The following DOCK8 variants were observed in gnomAD, a reference collection of about 807,000 sequenced individuals.
DOCK8 encodes the protein dedicator of cytokinesis 8.
DOCK8 carries 141 observed loss-of-function variants against 245.6 expected under a neutral mutation model. The observed-to-expected ratio is 0.57, with a 90% CI of 0.50 to 0.66. The LOEUF is 0.66. Among genes scored for constraint, DOCK8 ranks in the 30% least tolerant of loss-of-function variants. The pLI is 0.00. For synonymous variants in DOCK8, 1,168 were observed against 970.2 expected (o/e 1.20, Z -3.79); for missense variants, 2,965 against 2,603.4 (o/e 1.14, Z -3.02).
chr9:302,151 C>T (rs749497210), intron 4 of DOCK8, among the ~76,000 whole-genome samples: 1 of 152,194 alleles, frequency 6.6e-6, no homozygotes, highest in Non-Finnish European at 1.5e-5. Flanking sequence ...CAAAAACAGA[C>T]ACGTAGACCA....
chr9:220,421 G>C (rs984489280), intron 1 of DOCK8, among the ~76,000 whole-genome samples: 6 of 152,130 alleles, frequency 3.9e-5, no homozygotes, highest in African/African-American at 1.4e-4. Flanking sequence ...GTAACATGTA[G>C]TTGCCCAGGG....
At chr9:398,623 C>G (rs1371781620) in intron 25 of DOCK8, among the ~76,000 whole-genome samples, 1 of 152,072 alleles carries the variant, frequency 6.6e-6, no homozygotes, top group Non-Finnish European at 1.5e-5. Context: ...TGAATACACC[C>G]TGCGGAGTAT....
chr9:412,198 G>T (rs142550589), intron 28 of DOCK8, among the ~76,000 whole-genome samples: 1 of 152,184 alleles, frequency 6.6e-6, no homozygotes, highest in African/African-American at 2.4e-5. Flanking sequence ...GAGCCCAGGA[G>T]ACTGAGAACA....
chr9:452,714 T>A (rs1365775578), intron 46 of DOCK8: 1 of 152,342 alleles, frequency 6.6e-6, no homozygotes, highest in Non-Finnish European at 1.5e-5. Flanking sequence ...TGCCTCAAAT[T>A]GAGAGAGGCA....
At chr9:389,385 C>G (rs1331668212) in intron 23 of DOCK8, among the ~76,000 whole-genome samples, 2 of 152,160 alleles carry the variant, frequency 1.3e-5, no homozygotes, top group African/African-American at 4.8e-5. Context: ...GGGGACTTTC[C>G]AAGCATCTGG....
chr9:277,473 A>AGGG (rs1339482885), intron 2 of DOCK8, among the ~76,000 whole-genome samples: 5 of 127,932 alleles, frequency 3.9e-5, no homozygotes, highest in African/African-American at 1.8e-4. Context: ...AGAGAAGAGA[A>AGGG]GAGAAGAGAA....
chr9:393,144 A>G (rs1175129861), intron 24 of DOCK8, among the ~76,000 whole-genome samples: 1 of 151,450 alleles, frequency 6.6e-6, no homozygotes, highest in Non-Finnish European at 1.5e-5. Context: ...CACTTGAGTC[A>G]TAATCCAGCT....
chr9:240,959 CTCTTA>C (rs1295840187), intron 1 of DOCK8, among the ~76,000 whole-genome samples: 4 of 151,968 alleles, frequency 2.6e-5, no homozygotes, highest in Non-Finnish European at 4.4e-5. Flanking sequence ...TTTCTTTTTC[CTCTTA>C]TCTTTTAGAA....
intron 14 of DOCK8, among the ~76,000 whole-genome samples, chr9:362,552 G>A (rs2131130961): frequency 6.6e-6 from 1 of 152,316 alleles, no homozygotes; most frequent in Admixed American, 6.5e-5. Flanking sequence ...GCAGCCAGCT[G>A]ATAGGGGCCT....
Position 336,743 on chromosome 9 carries a change from C to CTGGATTT in DOCK8, c.1422+27_1422+33dup, listed in dbSNP as rs760767262. On this transcript the variant is annotated intron_variant, in intron 12 of 47. Coordinates refer to ENST00000432829, the MANE Select transcript of DOCK8 (RefSeq NM_203447.4). ...GGTATCTCTTCACATTACAGTGTGT[C>CTGGATTT]TGGATTTTTCCCCATACTGGCATGG... 1.9e-6 allele frequency: 3 copies of CTGGATTT among 1,613,686 alleles called. No homozygotes were observed. In the African/African-American group the frequency reaches 4.0e-5, roughly 22 times the overall value.
chr9:231,823 A>G (rs1425355364), intron 1 of DOCK8, among the ~76,000 whole-genome samples: 1 of 152,206 alleles, frequency 6.6e-6, no homozygotes, highest in Non-Finnish European at 1.5e-5. Flanking sequence ...TTTTCAAGAT[A>G]TAAATCATGT....
At chr9:431,601 C>G (rs571728336) in intron 36 of DOCK8, among the ~76,000 whole-genome samples, 9 of 152,200 alleles carry the variant, frequency 5.9e-5, no homozygotes, top group Admixed American at 2.6e-4. Context: ...CTCTGCCTAC[C>G]AGGTTTAAGC....
chr9:244,380 A>G (rs924956755), intron 1 of DOCK8, among the ~76,000 whole-genome samples: 1 of 151,978 alleles, frequency 6.6e-6, no homozygotes, highest in Non-Finnish European at 1.5e-5. Flanking sequence ...GTTCTATTGC[A>G]TTTAAAAAAC....
At chr9:358,912 T>G (rs2052583143) in intron 14 of DOCK8, among the ~76,000 whole-genome samples, 1 of 152,122 alleles carries the variant, frequency 6.6e-6, no homozygotes, top group Admixed American at 6.5e-5. Context: ...AGCCAAGCAA[T>G]AAAGGGAATC....
At chr9:313,125 G>A (rs1042692080) in intron 6 of DOCK8, among the ~76,000 whole-genome samples, 7 of 152,132 alleles carry the variant, frequency 4.6e-5, no homozygotes, top group African/African-American at 1.7e-4. Context: ...GACAATAAAG[G>A]AAACAGCAGT....
At chr9:336,462 A>G in intron 11 of DOCK8, 120 bp from the exon 12 acceptor site, 2 of 1,349,152 alleles carry the variant, frequency 1.5e-6, no homozygotes, top group Non-Finnish European at 1.0e-6. Context: ...ATTCAAAACA[A>G]GGATGGCCAT....
At chr9:441,046 T>TC in intron 40 of DOCK8, among the ~76,000 whole-genome samples, 1 of 152,210 alleles carries the variant, frequency 6.6e-6, no homozygotes, top group Admixed American at 6.5e-5. Flanking sequence ...TATTTTTTTT[T>TC]CCCCCGAAAG....
intron 1 of DOCK8, among the ~76,000 whole-genome samples, chr9:226,939 G>A (rs1176036641): frequency 2.6e-5 from 4 of 152,092 alleles, no homozygotes; most frequent in Non-Finnish European, 4.4e-5. Context: ...AGCTATATGC[G>A]TAATATGGTA....
chr9:341,915 A>G (rs2051614596), intron 14 of DOCK8, among the ~76,000 whole-genome samples: 1 of 152,200 alleles, frequency 6.6e-6, no homozygotes. Flanking sequence ...TGAACTGCAT[A>G]TATGAGGCAT....
Sources: allele counts gnomAD v4.1 joint callset (sites outside exome capture counted in the v4.1 genomes callset), GRCh38; gene constraint gnomAD v4.1.1; transcripts MANE v1.5; gene names NCBI Gene and HGNC (gene_info 2026-07-23, HGNC 2026-07-21).